Variants in PPP2R5E observed in about 807,000 individuals in gnomAD.
PPP2R5E encodes the protein protein phosphatase 2 regulatory subunit B'epsilon.
A neutral mutation model predicts 65.3 loss-of-function variants in PPP2R5E; 4 were observed. The ratio of observed to expected loss-of-function variants is 0.06; its 90% CI spans 0.03 to 0.14. The LOEUF (loss-of-function observed/expected upper bound fraction) is 0.14. Among genes scored for constraint, PPP2R5E ranks in the 10% least tolerant of loss-of-function variants. The pLI is 1.00. For missense variants in PPP2R5E, 274 were observed against 556.1 expected (o/e 0.49, Z 5.10); for synonymous variants, 183 against 187.4 (o/e 0.98, Z 0.19).
In PPP2R5E at chr14:63,498,140, CAGGTAGTATCAACCA is replaced by C. The variant is rs568159920; in HGVS notation, c.157+41374_157+41388del. ...TTCTTTGTAATTTAGAGAGCTTTTTCAGGTAGTATCAACCAAGTCTTGAGGGATTTTTAAAATGTT... is the reference window on the plus strand; with the variant it reads ...TTCTTTGTAATTTAGAGAGCTTTTTCAGTCTTGAGGGATTTTTAAAATGTT... On this transcript the variant is annotated intron_variant, in intron 2 of 13. Transcript: ENST00000337537. 8.5e-5 allele frequency among the ~76,000 whole-genome samples: 13 copies of C among 152,248 alleles called. No homozygotes were observed. The East Asian group carries it at 2.3e-3, about 27-fold the overall frequency.
chr14:63,405,481 A>C (rs1886014196), intron 5 of PPP2R5E, among the ~76,000 whole-genome samples: 1 of 152,216 alleles, frequency 6.6e-6, no homozygotes, highest in Non-Finnish European at 1.5e-5. Flanking sequence ...AATTTACATG[A>C]TAATTACAGT....
chr14:63,384,284 CT>C (rs556027101), intron 12 of PPP2R5E, among the ~76,000 whole-genome samples, 159 bp downstream of exon 12: 114 of 152,284 alleles, frequency 7.5e-4, no homozygotes, highest in Non-Finnish European at 4.4e-5. Context: ...GTTAAAGTAT[CT>C]GTTTATTTTC....
chr14:63,529,461 C>A (rs1028965357), intron 2 of PPP2R5E, among the ~76,000 whole-genome samples: 3 of 151,468 alleles, frequency 2.0e-5, no homozygotes, highest in Non-Finnish European at 2.9e-5. Flanking sequence ...CCCAGGGTCA[C>A]GCCATTCTCC....
At chr14:63,432,905 A>G (rs1483778291) in intron 3 of PPP2R5E, among the ~76,000 whole-genome samples, 1 of 152,148 alleles carries the variant, frequency 6.6e-6, no homozygotes, top group East Asian at 1.9e-4. Flanking sequence ...CTTTCATATA[A>G]AGTTCTAAAT....
At chr14:63,387,050 G>A (rs532014993) in intron 11 of PPP2R5E, among the ~76,000 whole-genome samples, 1 of 152,126 alleles carries the variant, frequency 6.6e-6, no homozygotes, top group Non-Finnish European at 1.5e-5. Context: ...GCATGGACGA[G>A]GACAATGTGT....
intron 3 of PPP2R5E, among the ~76,000 whole-genome samples, chr14:63,437,772 A>C (rs946153262): frequency 6.6e-6 from 1 of 152,154 alleles, no homozygotes; most frequent in Admixed American, 6.5e-5. Flanking sequence ...TAGAAACATC[A>C]TATTTTCCAA....
intron 2 of PPP2R5E, among the ~76,000 whole-genome samples, chr14:63,485,090 T>G (rs1010652438): frequency 2.0e-5 from 3 of 152,148 alleles, no homozygotes; most frequent in Non-Finnish European, 4.4e-5. Context: ...TTACTTGTAT[T>G]GTTTTCACAA....
intron 2 of PPP2R5E, among the ~76,000 whole-genome samples, chr14:63,516,444 T>C (rs1202846039): frequency 1.7e-4 from 26 of 152,180 alleles, no homozygotes; most frequent in Admixed American, 1.7e-3. Context: ...AGTTCACAGA[T>C]GAAGAAAAAA....
chr14:63,519,818 T>C (rs923935028), intron 2 of PPP2R5E, among the ~76,000 whole-genome samples: 4 of 150,464 alleles, frequency 2.7e-5, no homozygotes, highest in Non-Finnish European at 5.9e-5. Context: ...TGTGCCACCA[T>C]GTCCGGCTAA....
rs145587058 is a variant in PPP2R5E, at chr14:63,536,132, T to G, written c.157+3397A>C. Among the ~76,000 whole-genome samples the G allele has an allele frequency of 2.4e-3, 360 of 152,340 alleles. 1 individual carries two copies. Among genetic ancestry groups the G allele is most frequent in the Non-Finnish European group, 3.8e-3 (258 of 68,030 alleles). On this transcript the variant is annotated intron_variant, in intron 2 of 13. Transcript: ENST00000337537. ...TTGTGAGTATATAGTCCTGTTACTC[T>G]CCAATTCTCTCATACTGGCAAAATA... is the stretch of plus-strand genomic sequence containing the variant.
At chr14:63,463,214 A>C (rs1458313447) in intron 2 of PPP2R5E, among the ~76,000 whole-genome samples, 1 of 150,216 alleles carries the variant, frequency 6.7e-6, no homozygotes, top group Non-Finnish European at 1.5e-5. Context: ...ATCTCTGCTC[A>C]CTGCAACCTC....
chr14:63,461,885 T>C (rs967346292), intron 2 of PPP2R5E, among the ~76,000 whole-genome samples: 1 of 151,852 alleles, frequency 6.6e-6, no homozygotes, highest in African/African-American at 2.4e-5. Context: ...CATACACACA[T>C]AGAGTGGTAT....
At chr14:63,494,546 T>TA (rs80245799) in intron 2 of PPP2R5E, among the ~76,000 whole-genome samples, 23,716 of 141,800 alleles carry the variant, frequency 0.17, 2,207 homozygotes, top group African/African-American at 0.26. Flanking sequence ...TACAGCCATT[T>TA]AAAAAAAAAA....
chr14:63,513,167 G>A (rs1892530073), intron 2 of PPP2R5E, among the ~76,000 whole-genome samples: 1 of 152,098 alleles, frequency 6.6e-6, no homozygotes, highest in African/African-American at 2.4e-5. Context: ...GTGGAAATGA[G>A]TCTTCAGGAA....
chr14:63,541,255 C>A (rs758516564), intron 1 of PPP2R5E, among the ~76,000 whole-genome samples: 2 of 152,166 alleles, frequency 1.3e-5, no homozygotes, highest in Non-Finnish European at 1.5e-5. Context: ...AGCCACCTTA[C>A]GTTATTAACG....
In PPP2R5E at chr14:63,484,347, TCACACACA is replaced by T. The variant is rs199749451; in HGVS notation, c.158-30470_158-30463del. 9.4e-3 allele frequency among the ~76,000 whole-genome samples: 1,312 copies of T among 139,668 alleles called. 40 individuals carry two copies. The East Asian group carries it at 0.11, about 12-fold the overall frequency. 91.6% of individuals were successfully genotyped at this position (139,668 alleles called of 152,430 possible). Reference sequence around the variant, plus strand: ...CTTTCTTTCTCTTTCTCTCTCTCTCTCACACACACACACACACACACACACACACACAC... The same window carrying T: ...CTTTCTTTCTCTTTCTCTCTCTCTCTCACACACACACACACACACACACAC... On this transcript the variant is annotated intron_variant, in intron 2 of 13. Coordinates refer to ENST00000337537, the MANE Select transcript of PPP2R5E (RefSeq NM_006246.5).
chr14:63,410,905 C>T (rs1015298916), intron 5 of PPP2R5E, among the ~76,000 whole-genome samples: 3 of 152,108 alleles, frequency 2.0e-5, no homozygotes, highest in African/African-American at 7.2e-5. Context: ...AAATTTATAA[C>T]AGATCCAGCA....
intron 2 of PPP2R5E, among the ~76,000 whole-genome samples, chr14:63,517,184 A>G (rs1285742302): frequency 1.3e-5 from 2 of 152,202 alleles, no homozygotes; most frequent in Non-Finnish European, 2.9e-5. Context: ...ATGACAGTAC[A>G]TAATTATTAC....
intron 5 of PPP2R5E, among the ~76,000 whole-genome samples, chr14:63,409,338 T>C (rs1441225066): frequency 4.0e-5 from 6 of 150,550 alleles, no homozygotes; most frequent in East Asian, 3.9e-4. Flanking sequence ...ACCCGGGAGG[T>C]GGAGGTTGCA....
Sources: gnomAD v4.1 joint callset for allele counts (sites outside exome capture counted in the v4.1 genomes callset) on GRCh38, gnomAD v4.1.1 for gene constraint, MANE v1.5 for transcripts, NCBI Gene and HGNC (gene_info 2026-07-23, HGNC 2026-07-21) for gene names.